The following VAV2 variants were observed in gnomAD, a reference collection of about 807,000 sequenced individuals.
VAV2 encodes the protein guanine nucleotide exchange factor VAV2.
In VAV2, 67 loss-of-function variants were observed where a neutral mutation model predicts 132.5. The ratio of observed to expected loss-of-function variants is 0.51; its 90% CI spans 0.42 to 0.62. VAV2 has a LOEUF of 0.62. Ranked by LOEUF, VAV2 falls within the 20% of genes least tolerant of loss-of-function variation. The pLI, the probability that VAV2 is intolerant of heterozygous loss-of-function variation, is 0.00. For synonymous variants in VAV2, 492 were observed against 443.5 expected (o/e 1.11, Z -1.37); for missense variants, 938 against 1,153.6 (o/e 0.81, Z 2.71).
intron 2 of VAV2, among the ~76,000 whole-genome samples, chr9:133,903,564 C>G (rs1839527207): frequency 6.6e-6 from 1 of 152,182 alleles, no homozygotes; most frequent in Admixed American, 6.5e-5. Context: ...GCACACAAGC[C>G]TTTTCTGGGG....
At chr9:133,962,302 G>A (rs2132226620) in intron 1 of VAV2, among the ~76,000 whole-genome samples, 2 of 152,270 alleles carry the variant, frequency 1.3e-5, no homozygotes, top group South Asian at 4.1e-4. Flanking sequence ...AGGAGGGCCT[G>A]GACTTGAGCT....
chr9:133,844,231 T>C (rs1171857630), intron 3 of VAV2, among the ~76,000 whole-genome samples: 1 of 152,178 alleles, frequency 6.6e-6, no homozygotes. Context: ...AATATATATT[T>C]TTATTTTCCA....
intron 24 of VAV2, 75 bp downstream of exon 24, chr9:133,775,953 C>A: frequency 1.3e-6 from 2 of 1,530,300 alleles, no homozygotes; most frequent in Non-Finnish European, 1.8e-6. Flanking sequence ...ACAGGCACCA[C>A]CCAGACCCGG....
chr9:133,910,818 G>A (rs1385520957), intron 2 of VAV2, among the ~76,000 whole-genome samples: 2 of 101,204 alleles, frequency 2.0e-5, no homozygotes, highest in African/African-American at 3.3e-5. Context: ...AGCGAGACTC[G>A]GTCTCAAAAA....
chr9:133,918,741 A>G lies in VAV2; in HGVS notation c.321+20362T>C, dbSNP rs149565649. Among the ~76,000 whole-genome samples the G allele has an allele frequency of 1.8e-3, 264 of 150,022 alleles. 1 individual carries two copies. Among genetic ancestry groups the G allele is most frequent in the African/African-American group, 6.4e-3 (255 of 39,542 alleles). ...CAACCCCTGGGCTCCTAAGCCTCCC[A>G]AGAAGCAGCCGCCATGTGTGTGTGT... On this transcript the variant is annotated intron_variant, in intron 2 of 29. Transcript: ENST00000371850. This position sits in a 1 kb window ranked among gnomAD's most constrained non-coding sequence, Gnocchi z 4.7.
In VAV2 at chr9:133,928,141, G is replaced by T. The variant is rs541467410; in HGVS notation, c.321+10962C>A. ...CTCCCATCCCCAGTTATAAAACGGC[G>T]GGTCAGCATCCGATGGGCTTACCGA... On this transcript the variant is annotated intron_variant, in intron 2 of 29. Transcript: ENST00000371850. This position sits in a 1 kb window ranked among gnomAD's most constrained non-coding sequence, Gnocchi z 5.4. Among the ~76,000 whole-genome samples, 1 of 152,106 alleles carries T rather than the reference G, an allele frequency of 6.6e-6. No homozygotes were observed. Among genetic ancestry groups the T allele is most frequent in the African/African-American group, 2.4e-5 (1 of 41,510 alleles).
In VAV2 at chr9:133,857,752, C is replaced by T. The variant is rs1414580396; in HGVS notation, c.380+3622G>A. On this transcript the variant is annotated intron_variant, in intron 3 of 29. Coordinates refer to ENST00000371850, the MANE Select transcript of VAV2 (RefSeq NM_001134398.2). The surrounding 1 kb of genome is among the most constrained non-coding windows in gnomAD (Gnocchi z 4.0). ...CAAGTGGGGCTGCCTGGGAGGGTTGCCTGTCACCTGTCTCCTGAGCTCCCG... is the reference window on the plus strand; with the variant it reads ...CAAGTGGGGCTGCCTGGGAGGGTTGTCTGTCACCTGTCTCCTGAGCTCCCG... Among the ~76,000 whole-genome samples, 1 of 152,186 alleles carries T rather than the reference C, an allele frequency of 6.6e-6. No individual in the cohort carries two copies. Among genetic ancestry groups the T allele is most frequent in the Non-Finnish European group, 1.5e-5 (1 of 68,028 alleles).
At chr9:133,848,279 C>CAAAAAAAAAAAAAAAA (rs34908811) in intron 3 of VAV2, among the ~76,000 whole-genome samples, 13 of 48,620 alleles carry the variant, frequency 2.7e-4, no homozygotes, top group East Asian at 7.6e-4. Flanking sequence ...GACTCCGTCT[C>CAAAAAAAAAAAAAAAA]AAAAAAAAAA....
rs1840197144 is a variant in VAV2, at chr9:133,918,853, G to A, written c.321+20250C>T. ...TGCAGTGGTGCGATCTCGGCTCACT[G>A]CAACCTCCGCCTCCTGGGTTCAAGC... is the stretch of plus-strand genomic sequence containing the variant. On this transcript the variant is annotated intron_variant, in intron 2 of 29. Coordinates refer to ENST00000371850, the MANE Select transcript of VAV2 (RefSeq NM_001134398.2). This position sits in a 1 kb window ranked among gnomAD's most constrained non-coding sequence, Gnocchi z 4.7. Among the ~76,000 whole-genome samples, 1 of 152,046 alleles carries A rather than the reference G, an allele frequency of 6.6e-6. No individual in the cohort carries two copies. Among genetic ancestry groups the A allele is most frequent in the African/African-American group, 2.4e-5 (1 of 41,382 alleles).
intron 1 of VAV2, among the ~76,000 whole-genome samples, chr9:133,940,684 T>TGCGC (rs1199570636): frequency 1.6e-5 from 2 of 127,994 alleles, no homozygotes; most frequent in African/African-American, 5.5e-5. Flanking sequence ...TGTGTGTGTG[T>TGCGC]GTGTGTGTGT....
chr9:133,915,351 T>C (rs1210993910), intron 2 of VAV2, among the ~76,000 whole-genome samples: 1 of 152,186 alleles, frequency 6.6e-6, no homozygotes, highest in Non-Finnish European at 1.5e-5. Context: ...CAACCTGATA[T>C]TTTCAAGGGG....
At chr9:133,864,255 C>T (rs538595896) in intron 2 of VAV2, among the ~76,000 whole-genome samples, 1 of 152,158 alleles carries the variant, frequency 6.6e-6, no homozygotes, top group African/African-American at 2.4e-5. Context: ...GTGCTGGGGA[C>T]GAGGAACAGG....
intron 4 of VAV2, among the ~76,000 whole-genome samples, chr9:133,820,249 A>G (rs977477153): frequency 2.6e-5 from 4 of 152,192 alleles, no homozygotes; most frequent in African/African-American, 9.7e-5. Flanking sequence ...TCCTTTGGCC[A>G]TCACCGACGT....
chr9:133,980,917 A>AGGGC lies in VAV2; in HGVS notation c.204+11157_204+11158insGCCC, dbSNP rs1309973074. On this transcript the variant is annotated intron_variant, in intron 1 of 29. Transcript: ENST00000371850. The stretch of plus-strand genomic sequence containing the variant: ...CACCTGTCTCCAACCCTTAGCTACC[A>AGGGC]AAAGCCATCTACTTTTCAGGGCATC... Among the ~76,000 whole-genome samples the AGGGC allele has an allele frequency of 7.3e-3, 1,107 of 152,284 alleles. 13 individuals carry two copies. Among genetic ancestry groups the AGGGC allele is most frequent in the African/African-American group, 0.025 (1,035 of 41,562 alleles).
chr9:133,878,027 C>G (rs1209061338), intron 2 of VAV2, among the ~76,000 whole-genome samples: 3 of 152,220 alleles, frequency 2.0e-5, no homozygotes, highest in Non-Finnish European at 4.4e-5. Flanking sequence ...CCGACACCCC[C>G]CACTATTTCT....
Position 133,768,736 on chromosome 9 carries a change from A to G in VAV2, c.2435-140T>C. 1 of 1,175,114 alleles carries G rather than the reference A, an allele frequency of 8.5e-7. No individual in the cohort carries two copies. Among genetic ancestry groups the G allele is most frequent in the South Asian group, 1.6e-5 (1 of 62,720 alleles). 72.8% of individuals were successfully genotyped at this position (1,175,114 alleles called of 1,614,324 possible). A position where few individuals can be genotyped will look rare whatever the true frequency, so the allele number is the denominator to read the frequency against. On this transcript the variant is annotated intron_variant, in intron 28 of 29. Coordinates refer to ENST00000371850, the MANE Select transcript of VAV2 (RefSeq NM_001134398.2). This position sits in a 1 kb window ranked among gnomAD's most constrained non-coding sequence, Gnocchi z 5.3. Reference sequence around the variant, plus strand: ...CCCAGAGAGGAAGGATGTCAAGCAGAAAGGCTCTGGAGGGACACACTGGCC... The same window carrying G: ...CCCAGAGAGGAAGGATGTCAAGCAGGAAGGCTCTGGAGGGACACACTGGCC...
chr9:133,910,225 G>C (rs1234293168), intron 2 of VAV2, among the ~76,000 whole-genome samples: 1 of 152,100 alleles, frequency 6.6e-6, no homozygotes, highest in Non-Finnish European at 1.5e-5. Flanking sequence ...GGTGCACCTG[G>C]GTCCCTGAGA....
intron 12 of VAV2, among the ~76,000 whole-genome samples, chr9:133,795,146 G>A (rs1310111902): frequency 6.6e-6 from 1 of 152,206 alleles, no homozygotes; most frequent in Admixed American, 6.5e-5. Context: ...CCTGCTTCAT[G>A]GGCAGAGGGA....
intron 1 of VAV2, among the ~76,000 whole-genome samples, chr9:133,981,373 C>T (rs1349620846): frequency 1.3e-5 from 2 of 152,178 alleles, no homozygotes; most frequent in Non-Finnish European, 2.9e-5. Flanking sequence ...TTCCACTTGG[C>T]GGCGAGAGGG....
Sources: allele counts gnomAD v4.1 joint callset (sites outside exome capture counted in the v4.1 genomes callset), GRCh38; gene constraint gnomAD v4.1.1; non-coding constraint Gnocchi (gnomAD v3.1); transcripts MANE v1.5; gene names NCBI Gene and HGNC (gene_info 2026-07-23, HGNC 2026-07-21).